The following ZNF143 variants were observed in gnomAD, a reference collection of about 807,000 sequenced individuals.
ZNF143 encodes the protein SPH-binding factor.
A neutral mutation model predicts 74.1 loss-of-function variants in ZNF143; 49 were observed. The ratio of observed to expected loss-of-function variants is 0.66; its 90% CI spans 0.53 to 0.84. The LOEUF (loss-of-function observed/expected upper bound fraction) is 0.84, where lower values mean the gene tolerates loss of function less well. Among genes scored for constraint, ZNF143 ranks in the 40% least tolerant of loss-of-function variants. The pLI is 0.00. For missense variants in ZNF143, 637 were observed against 793.4 expected, an observed-to-expected ratio of 0.80 and a Z score of 2.37; for synonymous variants, 304 against 282.8, an observed-to-expected ratio of 1.07 and a Z score of -0.75.
intron 14 of ZNF143, among the ~76,000 whole-genome samples, chr11:9,517,603 A>G (rs1298984588): frequency 1.3e-5 from 2 of 152,094 alleles, no homozygotes; most frequent in Non-Finnish European, 2.9e-5. Flanking sequence ...AAACTTTTGA[A>G]TTTTTGCCAA....
chr11:9,526,118 C>T (rs1024060540), intron 15 of ZNF143, among the ~76,000 whole-genome samples: 6 of 152,052 alleles, frequency 3.9e-5, no homozygotes, highest in Admixed American at 3.9e-4. Context: ...GCACTCCCGC[C>T]TGGGTAACAA....
intron 15 of ZNF143, 102 bp downstream of exon 15, chr11:9,525,488 G>A (rs745979074): frequency 5.4e-6 from 8 of 1,471,984 alleles, no homozygotes; most frequent in Admixed American, 3.4e-5. Flanking sequence ...GAGGCAAGGT[G>A]TAGAATAATC....
chr11:9,469,502 G>T (rs1017617184), intron 1 of ZNF143, among the ~76,000 whole-genome samples: 1 of 151,946 alleles, frequency 6.6e-6, no homozygotes, highest in African/African-American at 2.4e-5. Context: ...AAAGTGCTGG[G>T]ATTACAGGCA....
intron 7 of ZNF143, among the ~76,000 whole-genome samples, chr11:9,491,999 C>T (rs1334768149): frequency 2.0e-5 from 3 of 152,056 alleles, no homozygotes; most frequent in Non-Finnish European, 2.9e-5. Context: ...GGCTGGAGTG[C>T]AATGGCACAA....
intron 1 of ZNF143, among the ~76,000 whole-genome samples, chr11:9,463,026 A>G (rs58602953): frequency 6.6e-6 from 1 of 152,144 alleles, no homozygotes; most frequent in Non-Finnish European, 1.5e-5. Flanking sequence ...ACTAGTTTGC[A>G]TGTTTGCTAT....
rs1590496237 is a variant in ZNF143, at chr11:9,468,845, A to G, written c.-7-2457A>G. On this transcript the variant is annotated intron_variant, in intron 1 of 15. Transcript: ENST00000396602. ...GAGTGAGACTCGACTTTCATATATCATATATTTTCTGGGCACGGTGGCTCA... is the reference window on the plus strand; with the variant it reads ...GAGTGAGACTCGACTTTCATATATCGTATATTTTCTGGGCACGGTGGCTCA... Among the ~76,000 whole-genome samples, 3 of 151,950 alleles carry G rather than the reference A, an allele frequency of 2.0e-5. No homozygotes were observed. In the South Asian group the frequency reaches 6.2e-4, roughly 31 times the overall value.
In ZNF143 at chr11:9,478,402, A is replaced by G. The variant is rs1254342723; in HGVS notation, c.386A>G (p.Gln129Arg). The G allele has an allele frequency of 1.2e-5, 19 of 1,613,646 alleles. No individual in the cohort carries two copies. Among genetic ancestry groups the G allele is most frequent in the Non-Finnish European group, 1.6e-5 (19 of 1,179,642 alleles). ...TCCACTCTCTCAGATAGTTATGACC[A>G]GAGTGCATTACAGGCGGTTCAGCTG... ...IHHTSKDSYD[Q>R]SALQAVQLED... is the part of the protein sequence containing the mutation. Residue 129 changes from glutamine to arginine, a missense_variant, in exon 6 of 16, where the codon CAG becomes CGG. By Grantham distance (43) the Gln-to-Arg change is conservative. Transcript: ENST00000396602.
intron 11 of ZNF143, among the ~76,000 whole-genome samples, chr11:9,502,100 G>T (rs7950519): frequency 1 from 150,064 of 150,068 alleles, 75,030 homozygotes; most frequent in Middle Eastern, 1. Flanking sequence ...CCATGCCCGG[G>T]TAATTTTGTA....
chr11:9,475,997 T>C (rs1005105595), intron 5 of ZNF143, among the ~76,000 whole-genome samples: 1 of 151,614 alleles, frequency 6.6e-6, no homozygotes, highest in Non-Finnish European at 1.5e-5. Context: ...CTATGTTTAA[T>C]TGAAACTAAG....
intron 11 of ZNF143, among the ~76,000 whole-genome samples, chr11:9,505,306 G>A (rs1481530841): frequency 1.3e-5 from 2 of 150,572 alleles, no homozygotes; most frequent in Non-Finnish European, 2.9e-5. Context: ...GTCTCGCTCT[G>A]TCGCTCAGGC....
chr11:9,466,183 A>G lies in ZNF143; in HGVS notation c.-8+5107A>G, dbSNP rs1035836785. 4.3e-4 allele frequency among the ~76,000 whole-genome samples: 66 copies of G among 152,068 alleles called. 1 individual carries two copies. Among genetic ancestry groups the G allele is most frequent in the Non-Finnish European group, 1.6e-4 (11 of 67,966 alleles). On this transcript the variant is annotated intron_variant, in intron 1 of 15. Coordinates refer to ENST00000396602, the MANE Select transcript of ZNF143 (RefSeq NM_003442.6). ...TTTTTAGTAGAGACAGGGTTTCACCATGTTGGCCAGGCTGGTCTTGAACTC... is the reference window on the plus strand; with the variant it reads ...TTTTTAGTAGAGACAGGGTTTCACCGTGTTGGCCAGGCTGGTCTTGAACTC...
chr11:9,513,033 A>T (rs1848606525), intron 13 of ZNF143, among the ~76,000 whole-genome samples: 2 of 152,336 alleles, frequency 1.3e-5, no homozygotes, highest in South Asian at 4.1e-4. Context: ...AGCCTCACAG[A>T]GTCGGTAGAA....
intron 14 of ZNF143, among the ~76,000 whole-genome samples, chr11:9,522,841 T>C (rs1378972419): frequency 1.3e-5 from 2 of 150,720 alleles, no homozygotes; most frequent in African/African-American, 5.0e-5. Context: ...AGATGGAGAA[T>C]GTATATTAAT....
chr11:9,512,158 A>G (rs1848573651), intron 12 of ZNF143, among the ~76,000 whole-genome samples: 1 of 152,144 alleles, frequency 6.6e-6, no homozygotes, highest in Non-Finnish European at 1.5e-5. Flanking sequence ...CCTAATACAC[A>G]TATAGTATCA....
chr11:9,500,635 A>G (rs1045099462), intron 10 of ZNF143, among the ~76,000 whole-genome samples: 3 of 152,114 alleles, frequency 2.0e-5, no homozygotes, highest in Admixed American at 1.3e-4. Context: ...GGGTTTCACC[A>G]TGTTGGCCAG....
At chr11:9,471,551 G>GTTT in intron 2 of ZNF143, 131 bp downstream of exon 2, 105 of 499,186 alleles carry the variant, frequency 2.1e-4, no homozygotes, top group South Asian at 3.0e-4. Context: ...AGGTGTTTTG[G>GTTT]TGTTTTTTTT....
At chr11:9,503,311 A>G (rs535945441) in intron 11 of ZNF143, among the ~76,000 whole-genome samples, 1 of 152,332 alleles carries the variant, frequency 6.6e-6, no homozygotes, top group African/African-American at 2.4e-5. Flanking sequence ...CCTTATATGC[A>G]ATGAGCATTC....
Position 9,527,427 on chromosome 11 carries a change from AT to A in ZNF143, c.1834-101del. The A allele has an allele frequency of 9.5e-6, 10 of 1,056,024 alleles. No individual in the cohort carries two copies. In the South Asian group the frequency reaches 1.4e-4, roughly 14 times the overall value. The allele number at this position is 1,056,024 out of a possible 1,614,324, so 65.4% of individuals were successfully genotyped here. ...TATTTTAACAATCCCAAGTGTCAGA[AT>A]TACAGAGAGAAGTTTCACTTCTGGC... On this transcript the variant is annotated intron_variant, in intron 15 of 15. Transcript: ENST00000396602.
At chr11:9,500,735 G>A (rs939996530) in intron 10 of ZNF143, among the ~76,000 whole-genome samples, 2 of 152,174 alleles carry the variant, frequency 1.3e-5, no homozygotes, top group African/African-American at 4.8e-5. Context: ...AGCTTTTAGG[G>A]AATTCTGGGT....
Sources: gnomAD v4.1 joint callset for allele counts (sites outside exome capture counted in the v4.1 genomes callset) on GRCh38, gnomAD v4.1.1 for gene constraint, MANE v1.5 for transcripts, NCBI Gene and HGNC (gene_info 2026-07-23, HGNC 2026-07-21) for gene names.